KLHL29: variants seen among roughly 807,000 people sequenced by gnomAD.
KLHL29 encodes the protein kelch like family member 29.
In KLHL29, 21 loss-of-function variants were observed where a neutral mutation model predicts 80.4. The observed-to-expected ratio is 0.26, with a 90% CI of 0.19 to 0.38. The LOEUF is 0.38. Ranked by LOEUF, KLHL29 falls within the 10% of genes least tolerant of loss-of-function variation. The pLI is 1.00. For synonymous variants in KLHL29, 511 were observed against 526.8 expected, an observed-to-expected ratio of 0.97 and a Z score of 0.41; for missense variants, 867 against 1,223.9, an observed-to-expected ratio of 0.71 and a Z score of 4.35.
At chr2:23,611,368 G>A (rs1237111305) in intron 3 of KLHL29, among the ~76,000 whole-genome samples, 1 of 152,164 alleles carries the variant, frequency 6.6e-6, no homozygotes, top group Admixed American at 6.5e-5. Flanking sequence ...AAGGGGGCCA[G>A]TGGGTTCCAG....
chr2:23,684,773 T>G lies in KLHL29; in HGVS notation c.1079+236T>G, dbSNP rs1471638246. On this transcript the variant is annotated intron_variant, in intron 6 of 13. Transcript: ENST00000486442. This position sits in a 1 kb window ranked among gnomAD's most constrained non-coding sequence, Gnocchi z 4.4. ...ACAGCTTTGCTGTCACCAGCTTTGC[T>G]GGTCACCAGGGGCCTCTGCCAGCAG... is the stretch of plus-strand genomic sequence containing the variant. Among the ~76,000 whole-genome samples, 2 of 152,126 alleles carry G rather than the reference T, an allele frequency of 1.3e-5. No homozygotes were observed. Among genetic ancestry groups the G allele is most frequent in the Non-Finnish European group, 2.9e-5 (2 of 68,018 alleles).
intron 6 of KLHL29, chr2:23,685,292 C>G (rs1364524087): frequency 6.6e-6 from 1 of 151,890 alleles, no homozygotes; most frequent in Non-Finnish European, 1.5e-5. Context: ...TGCTTCATAC[C>G]TTTGCAAAGA....
Position 23,562,548 on chromosome 2 carries a change from C to A in KLHL29, c.285+67C>A. On this transcript the variant is annotated intron_variant, in intron 3 of 13. Coordinates refer to ENST00000486442, the MANE Select transcript of KLHL29 (RefSeq NM_052920.2). This position sits in a 1 kb window ranked among gnomAD's most constrained non-coding sequence, Gnocchi z 4.5. ...GGCCCTGCCTCCCTGCAGGCTCAGG[C>A]CAGCCCCACAGGCTCCTGTGGGGCA... The A allele has an allele frequency of 6.7e-7, 1 of 1,486,388 alleles. No individual in the cohort carries two copies. Among genetic ancestry groups the A allele is most frequent in the Non-Finnish European group, 9.0e-7 (1 of 1,111,798 alleles). The allele number at this position is 1,486,388 out of a possible 1,614,324, so 92.1% of individuals were successfully genotyped here. A position where few individuals can be genotyped will look rare whatever the true frequency, so the allele number is the denominator to read the frequency against.
At chr2:23,636,840 G>A (rs942645345) in intron 3 of KLHL29, among the ~76,000 whole-genome samples, 10 of 152,166 alleles carry the variant, frequency 6.6e-5, no homozygotes, top group African/African-American at 2.4e-5. Flanking sequence ...AAGTTTTAGC[G>A]CTCAGAACAT....
chr2:23,545,433 G>C (rs901695882), intron 2 of KLHL29, among the ~76,000 whole-genome samples: 1 of 152,182 alleles, frequency 6.6e-6, no homozygotes, highest in East Asian at 1.9e-4. Flanking sequence ...TCGGTGCTCC[G>C]TAAATGCTCC....
chr2:23,513,146 T>G (rs967990777), intron 2 of KLHL29, among the ~76,000 whole-genome samples: 1 of 152,254 alleles, frequency 6.6e-6, no homozygotes, highest in African/African-American at 2.4e-5. Flanking sequence ...TCCTTTTGCC[T>G]GCACTTTTAA....
intron 1 of KLHL29, among the ~76,000 whole-genome samples, chr2:23,430,979 A>G (rs943870207): frequency 1.3e-5 from 2 of 152,176 alleles, no homozygotes; most frequent in Non-Finnish European, 2.9e-5. Flanking sequence ...CTTCCCAGAT[A>G]TCCCTACACT....
intron 5 of KLHL29, among the ~76,000 whole-genome samples, chr2:23,652,802 C>T (rs1371677352): frequency 6.6e-6 from 1 of 152,158 alleles, no homozygotes; most frequent in African/African-American, 2.4e-5. Context: ...AAATTGTCTC[C>T]AGAGTCCTGC....
chr2:23,681,094 C>T lies in KLHL29; in HGVS notation c.941-3305C>T, dbSNP rs1330655138. On this transcript the variant is annotated intron_variant, in intron 5 of 13. Coordinates refer to ENST00000486442, the MANE Select transcript of KLHL29 (RefSeq NM_052920.2). This position sits in a 1 kb window ranked among gnomAD's most constrained non-coding sequence, Gnocchi z 4.2. ...GGGTCCTGGTGTCCCCTTGTGGATT[C>T]TGGGTCTCCCCACCGACAGGCACAG... 6.6e-6 allele frequency among the ~76,000 whole-genome samples: 1 copy of T among 152,218 alleles called. No homozygotes were observed. The highest frequency in any genetic ancestry group is 2.4e-5 in the African/African-American group (1 of 41,468).
intron 3 of KLHL29, among the ~76,000 whole-genome samples, chr2:23,637,745 C>G (rs1392831810): frequency 2.0e-5 from 3 of 152,164 alleles, no homozygotes; most frequent in Admixed American, 1.3e-4. Flanking sequence ...GAGAGCCACT[C>G]TGGTCAGAGG....
intron 3 of KLHL29, among the ~76,000 whole-genome samples, chr2:23,633,748 A>T (rs1325180727): frequency 6.0e-5 from 2 of 33,222 alleles, no homozygotes; most frequent in African/African-American, 3.6e-4. Context: ...CAAAAGAGTC[A>T]CAGCACTCGT....
At chr2:23,631,913 C>CCACGCA (rs1188271062) in intron 3 of KLHL29, among the ~76,000 whole-genome samples, 2 of 152,184 alleles carry the variant, frequency 1.3e-5, no homozygotes, top group Non-Finnish European at 2.9e-5. Context: ...CCCTCAGTCC[C>CCACGCA]CACGCACAGG....
At chr2:23,406,344 G>GA (rs1302111003) in intron 1 of KLHL29, among the ~76,000 whole-genome samples, 1 of 56,192 alleles carries the variant, frequency 1.8e-5, no homozygotes, top group African/African-American at 4.3e-5. Flanking sequence ...AAAAAAAAAA[G>GA]AAAAGAAAAC....
At chr2:23,662,264 CTCG>C (rs1161939188) in intron 5 of KLHL29, among the ~76,000 whole-genome samples, 2 of 152,202 alleles carry the variant, frequency 1.3e-5, no homozygotes, top group Non-Finnish European at 2.9e-5. Context: ...CTCACATCGT[CTCG>C]TCTAGATATT....
intron 3 of KLHL29, among the ~76,000 whole-genome samples, chr2:23,604,050 G>A (rs1013361915): frequency 3.3e-5 from 5 of 152,220 alleles, no homozygotes; most frequent in Admixed American, 1.3e-4. Context: ...AGGGTCTGGG[G>A]CAGCCCCCGA....
chr2:23,606,494 A>G (rs1022591407), intron 3 of KLHL29, among the ~76,000 whole-genome samples: 1 of 152,188 alleles, frequency 6.6e-6, no homozygotes. Flanking sequence ...GCCTCAAAGC[A>G]TCTTAGGAAT....
chr2:23,639,085 C>G, intron 3 of KLHL29, 54 bp from the exon 4 acceptor site: 1 of 1,469,490 alleles, frequency 6.8e-7, no homozygotes, highest in Non-Finnish European at 9.0e-7. Flanking sequence ...GAGTCTTGTT[C>G]TGGAGGCTGG....
chr2:23,533,334 C>T (rs1390882441), intron 2 of KLHL29, among the ~76,000 whole-genome samples: 1 of 152,102 alleles, frequency 6.6e-6, no homozygotes, highest in African/African-American at 2.4e-5. Context: ...TCTGAGAGTT[C>T]CCCCACCCTC....
chr2:23,701,819 T>TC (rs1558450637), intron 11 of KLHL29, among the ~76,000 whole-genome samples: 3 of 103,234 alleles, frequency 2.9e-5, no homozygotes, highest in Non-Finnish European at 3.9e-5. Context: ...TTTTTTTTTT[T>TC]CAGACGGAGT....
Sources: allele counts gnomAD v4.1 joint callset (sites outside exome capture counted in the v4.1 genomes callset), GRCh38; gene constraint gnomAD v4.1.1; non-coding constraint Gnocchi (gnomAD v3.1); transcripts MANE v1.5; gene names NCBI Gene and HGNC (gene_info 2026-07-23, HGNC 2026-07-21).